Variants in TBCEL observed in about 807,000 individuals in gnomAD.
TBCEL encodes tubulin folding cofactor E like.
Under a neutral mutation model 44.2 loss-of-function variants are expected in TBCEL, and 15 were observed. That is an observed-to-expected ratio of 0.34 (90% CI 0.23 to 0.52). The LOEUF (loss-of-function observed/expected upper bound fraction) is 0.52. Among genes scored for constraint, TBCEL ranks in the 20% least tolerant of loss-of-function variants. The pLI, the probability that TBCEL is intolerant of heterozygous loss-of-function variation, is 0.95. For missense variants in TBCEL, 319 were observed against 506.3 expected (o/e 0.63, Z 3.55); for synonymous variants, 171 against 185.4 (o/e 0.92, Z 0.63).
chr11:121,071,634 T>A (rs1945935803), intron 8 of TBCEL, among the ~76,000 whole-genome samples: 1 of 152,184 alleles, frequency 6.6e-6, no homozygotes, highest in Non-Finnish European at 1.5e-5. Context: ...ATGGCAAGGA[T>A]TACATTAGGA....
chr11:121,079,028 A>G (rs944896524), intron 8 of TBCEL, among the ~76,000 whole-genome samples: 1 of 152,214 alleles, frequency 6.6e-6, no homozygotes, highest in Non-Finnish European at 1.5e-5. Flanking sequence ...ATGATTTTTG[A>G]TAGCACTTGA....
At chr11:121,085,271 C>G (rs1027188959) in intron 8 of TBCEL, among the ~76,000 whole-genome samples, 8 of 152,250 alleles carry the variant, frequency 5.3e-5, no homozygotes, top group Non-Finnish European at 1.0e-4. Flanking sequence ...AACTCCTGAC[C>G]TCGTGATCTG....
At chr11:121,080,400 T>C (rs1261097280) in intron 8 of TBCEL, among the ~76,000 whole-genome samples, 2 of 152,198 alleles carry the variant, frequency 1.3e-5, no homozygotes, top group Non-Finnish European at 2.9e-5. Context: ...AGAGTATTTC[T>C]GGGATATTTA....
rs1471264761 is a variant in TBCEL at position 121,087,013 on chromosome 11, G to A, written c.1192G>A (p.Glu398Lys). Residue 398 changes from glutamate to lysine, a missense_variant, in exon 9 of 9, where the codon GAA becomes AAA. By Grantham distance (56) the Glu-to-Lys change is moderately conservative. Coordinates refer to ENST00000683345, the MANE Select transcript of TBCEL (RefSeq NM_001363644.2). The stretch of plus-strand genomic sequence containing the variant: ...CCATGAAGCACCCTTTGGCCCAGAG[G>A]AAATGAAGTACAGCTCTCGGGCATT... ...FDHEAPFGPE[E>K]MKYSSRALHS... 5.0e-6 allele frequency: 8 copies of A among 1,614,094 alleles called. No individual in the cohort carries two copies. The South Asian group carries it at 7.7e-5, about 16-fold the overall frequency.
intron 6 of TBCEL, among the ~76,000 whole-genome samples, chr11:121,056,896 G>A (rs1945631887): frequency 6.6e-6 from 1 of 151,666 alleles, no homozygotes; most frequent in Non-Finnish European, 1.5e-5. Flanking sequence ...TATGAGATAT[G>A]TCTTCTGCAA....
At chr11:121,055,029 AAT>A (rs771802796) in intron 5 of TBCEL, 21 bp from the exon 6 acceptor site, 1 of 1,451,240 alleles carries the variant, frequency 6.9e-7, no homozygotes, top group Non-Finnish European at 9.1e-7. Context: ...TAAACAATGA[AAT>A]ATTTCCTTTT....
chr11:121,033,049 T>A (rs537534772), intron 1 of TBCEL, among the ~76,000 whole-genome samples: 1 of 152,218 alleles, frequency 6.6e-6, no homozygotes, highest in African/African-American at 2.4e-5. Context: ...ACACATATCT[T>A]TATAGCATTT....
At chr11:121,033,564 A>G (rs1227022796) in intron 1 of TBCEL, among the ~76,000 whole-genome samples, 1 of 152,226 alleles carries the variant, frequency 6.6e-6, no homozygotes, top group Admixed American at 6.5e-5. Context: ...GAGAGTAGGA[A>G]TCAGAAATGG....
intron 8 of TBCEL, among the ~76,000 whole-genome samples, chr11:121,062,437 A>G (rs2134968298): frequency 6.6e-6 from 1 of 152,268 alleles, no homozygotes; most frequent in African/African-American, 2.4e-5. Flanking sequence ...ACAGCAGTGT[A>G]GTAAGTTTGT....
intron 4 of TBCEL, among the ~76,000 whole-genome samples, chr11:121,049,739 C>A (rs1259780932): frequency 6.6e-6 from 1 of 151,708 alleles, no homozygotes; most frequent in African/African-American, 2.4e-5. Context: ...TGTATATAAG[C>A]TTTTGCTAAT....
At chr11:121,086,014 G>A (rs764730488) in intron 8 of TBCEL, among the ~76,000 whole-genome samples, 6 of 151,938 alleles carry the variant, frequency 3.9e-5, no homozygotes, top group South Asian at 2.1e-4. Flanking sequence ...TTTCTGGTAC[G>A]TAGGAAACTT....
chr11:121,029,866 T>C (rs1231712883), intron 1 of TBCEL, among the ~76,000 whole-genome samples: 1 of 152,238 alleles, frequency 6.6e-6, no homozygotes, highest in Non-Finnish European at 1.5e-5. Flanking sequence ...CACTTTTCCA[T>C]TTATCCAATG....
rs77214728 is a variant in TBCEL, at chr11:121,030,232, C to T, written c.-126+5941C>T. ...GGCAAGTCTGAGAAATAGAAAACCA[C>T]GGAGGCTGAGTAGTGGGCCAGGAAA... On this transcript the variant is annotated intron_variant, in intron 1 of 8. Coordinates refer to ENST00000683345, the MANE Select transcript of TBCEL (RefSeq NM_001363644.2). Among the ~76,000 whole-genome samples the T allele has an allele frequency of 1.7e-3, 261 of 152,184 alleles. 11 individuals carry two copies. In the East Asian group the frequency reaches 0.047, roughly 27 times the overall value.
intron 8 of TBCEL, among the ~76,000 whole-genome samples, chr11:121,060,431 T>C (rs1945701620): frequency 6.6e-6 from 1 of 151,900 alleles, no homozygotes; most frequent in South Asian, 2.1e-4. Context: ...TGTTCATTCA[T>C]GTTGGATCTA....
rs1946240364 is a variant in TBCEL at position 121,087,776 on chromosome 11, A to G, written c.*680A>G. ...TAACTCTGTTAGAACCTCGAAGAGT[A>G]GATGTAGAATGAAAACTCCAGGAAA... On this transcript the variant is annotated 3_prime_UTR_variant, in exon 9 of 9. Coordinates refer to ENST00000683345, the MANE Select transcript of TBCEL (RefSeq NM_001363644.2). 1 of 152,212 alleles carries G rather than the reference A, an allele frequency of 6.6e-6. No homozygotes were observed. Among genetic ancestry groups the G allele is most frequent in the Admixed American group, 6.5e-5 (1 of 15,278 alleles). The allele number at this position is 152,212 out of a possible 1,614,324, so 9.4% of individuals were successfully genotyped here.
chr11:121,043,178 C>G (rs1945365273), intron 2 of TBCEL, among the ~76,000 whole-genome samples: 1 of 152,140 alleles, frequency 6.6e-6, no homozygotes, highest in Admixed American at 6.6e-5. Flanking sequence ...CGTAAACCTG[C>G]CCTTCATCCT....
intron 8 of TBCEL, among the ~76,000 whole-genome samples, chr11:121,086,188 G>A (rs1041676573): frequency 3.3e-5 from 5 of 152,110 alleles, no homozygotes; most frequent in Non-Finnish European, 7.4e-5. Context: ...CAAGAAACAT[G>A]TATCCCTTAC....
intron 2 of TBCEL, among the ~76,000 whole-genome samples, chr11:121,043,676 C>T (rs1945374150): frequency 6.6e-6 from 1 of 152,104 alleles, no homozygotes; most frequent in East Asian, 1.9e-4. Flanking sequence ...TCCCTACTCT[C>T]TTATCATCCC....
At chr11:121,058,311 C>G in intron 6 of TBCEL, 34 bp from the exon 7 acceptor site, 1 of 1,604,542 alleles carries the variant, frequency 6.2e-7, no homozygotes, top group Non-Finnish European at 8.5e-7. Context: ...ATGTGCATCT[C>G]TGGATTTACT....
Sources: gnomAD v4.1 joint callset for allele counts (sites outside exome capture counted in the v4.1 genomes callset) on GRCh38, gnomAD v4.1.1 for gene constraint, MANE v1.5 for transcripts, NCBI Gene and HGNC (gene_info 2026-07-23, HGNC 2026-07-21) for gene names.